DCLK1: variants seen among roughly 807,000 people sequenced by gnomAD.
The protein encoded by DCLK1 is serine/threonine-protein kinase DCLK1.
Under a neutral mutation model 86.2 loss-of-function variants are expected in DCLK1, and 16 were observed. The ratio of observed to expected loss-of-function variants is 0.19; its 90% confidence interval spans 0.13 to 0.28. The LOEUF (loss-of-function observed/expected upper bound fraction) is 0.28, where lower values mean the gene tolerates loss of function less well. Ranked by LOEUF, DCLK1 falls within the 10% of genes least tolerant of loss-of-function variation. The pLI, the probability that DCLK1 is intolerant of heterozygous loss-of-function variation, is 1.00. For missense variants in DCLK1, 590 were observed against 940.2 expected, an observed-to-expected ratio of 0.63 and a Z score of 4.87; for synonymous variants, 369 against 370.5, an observed-to-expected ratio of 1.00 and a Z score of 0.05.
intron 3 of DCLK1, among the ~76,000 whole-genome samples, chr13:35,958,971 T>C (rs567773859): frequency 2.6e-4 from 39 of 152,230 alleles, no homozygotes; most frequent in African/African-American, 9.4e-4. Context: ...ACACAGCTAA[T>C]AAAAGGTTGA....
At chr13:35,783,512 C>T (rs1329890799) in intron 16 of DCLK1, among the ~76,000 whole-genome samples, 1 of 152,116 alleles carries the variant, frequency 6.6e-6, no homozygotes, top group East Asian at 1.9e-4. Context: ...AAACCCAGGG[C>T]TTCTTGACTC....
intron 3 of DCLK1, among the ~76,000 whole-genome samples, chr13:36,019,246 A>T (rs1427179624): frequency 6.6e-6 from 1 of 152,116 alleles, no homozygotes; most frequent in African/African-American, 2.4e-5. Flanking sequence ...GGTTCCTGTG[A>T]TTAAAAACAA....
At chr13:35,864,951 C>T (rs1178656867) in intron 5 of DCLK1, among the ~76,000 whole-genome samples, 2 of 151,960 alleles carry the variant, frequency 1.3e-5, no homozygotes, top group African/African-American at 4.8e-5. Flanking sequence ...CATGCCTGGC[C>T]CCAGAGCTTT....
chr13:35,813,966 C>T (rs980208917), intron 11 of DCLK1, among the ~76,000 whole-genome samples: 2 of 152,102 alleles, frequency 1.3e-5, no homozygotes, highest in Non-Finnish European at 2.9e-5. Flanking sequence ...CACTGTCAGG[C>T]AGGGCAGGAA....
chr13:36,056,235 G>C (rs1425205139), intron 3 of DCLK1, among the ~76,000 whole-genome samples: 5 of 101,080 alleles, frequency 4.9e-5, no homozygotes, highest in Non-Finnish European at 7.9e-5. Flanking sequence ...AACAATGATA[G>C]ACTGGATTAA....
In DCLK1 at chr13:35,827,710, C is replaced by T. The variant is rs1236419964; in HGVS notation, c.1332G>A (p.Lys444=). Residue 444 remains lysine, a synonymous_variant, in exon 10 of 17, where the codon AAG becomes AAA. Coordinates refer to ENST00000360631, the MANE Select transcript of DCLK1 (RefSeq NM_001330071.2). ...QNEVSILRRV[K]HPNIVLLIEE... ...CAATCAGAAGAACGATATTGGGATG[C>T]TTCACTCTTCTTAAAATAGACACTT... is the stretch of plus-strand genomic sequence containing the variant. 6.2e-7 allele frequency: 1 copy of T among 1,613,938 alleles called. No homozygotes were observed. The highest frequency in any genetic ancestry group is 2.2e-5 in the East Asian group (1 of 44,846).
chr13:35,971,481 G>A (rs1048014327), intron 3 of DCLK1, among the ~76,000 whole-genome samples: 25 of 152,178 alleles, frequency 1.6e-4, no homozygotes, highest in Admixed American at 3.9e-4. Context: ...GTCCACAGTA[G>A]GCCAGGTGCA....
At chr13:35,800,501 C>A (rs762775693) in intron 15 of DCLK1, among the ~76,000 whole-genome samples, 1 of 152,110 alleles carries the variant, frequency 6.6e-6, no homozygotes. Context: ...AGAGAGGCCT[C>A]GCTCATGACT....
chr13:35,992,077 G>A (rs892071380), intron 3 of DCLK1, among the ~76,000 whole-genome samples: 3 of 152,284 alleles, frequency 2.0e-5, no homozygotes, highest in Non-Finnish European at 4.4e-5. Flanking sequence ...CAAGCTAACT[G>A]ATAATTAATG....
At chr13:35,916,070 G>A (rs1875390175) in intron 4 of DCLK1, among the ~76,000 whole-genome samples, 1 of 152,196 alleles carries the variant, frequency 6.6e-6, no homozygotes, top group Admixed American at 6.5e-5. Flanking sequence ...GGCTCTGCGT[G>A]ATGAGGCACT....
chr13:35,907,650 G>A (rs1017795559), intron 4 of DCLK1, among the ~76,000 whole-genome samples: 6 of 152,062 alleles, frequency 3.9e-5, no homozygotes, highest in African/African-American at 1.4e-4. Context: ...GGATAGGACA[G>A]CCTGCAGAGG....
intron 4 of DCLK1, among the ~76,000 whole-genome samples, chr13:35,919,827 G>GA (rs1360642364): frequency 3.7e-5 from 5 of 134,450 alleles, no homozygotes; most frequent in East Asian, 2.4e-4. Flanking sequence ...TTAAAAAAAA[G>GA]AAAAAAATGT....
intron 15 of DCLK1, among the ~76,000 whole-genome samples, chr13:35,804,010 A>G (rs1216297505): frequency 6.6e-6 from 1 of 152,234 alleles, no homozygotes; most frequent in African/African-American, 2.4e-5. Flanking sequence ...CAAAGTTACA[A>G]TGTTGTTGGG....
intron 4 of DCLK1, among the ~76,000 whole-genome samples, chr13:35,886,374 C>A (rs574916918): frequency 2.2e-4 from 34 of 152,142 alleles, no homozygotes; most frequent in Admixed American, 6.6e-4. Flanking sequence ...GGCAGCCAAT[C>A]GTGTTTCTGG....
At chr13:36,093,262 G>A (rs1344775604) in intron 3 of DCLK1, among the ~76,000 whole-genome samples, 1 of 152,116 alleles carries the variant, frequency 6.6e-6, no homozygotes, top group African/African-American at 2.4e-5. Context: ...TTAAGAAGTC[G>A]GTAGGAATAA....
At chr13:35,942,672 G>A (rs1451575843) in intron 4 of DCLK1, among the ~76,000 whole-genome samples, 1 of 152,138 alleles carries the variant, frequency 6.6e-6, no homozygotes, top group Non-Finnish European at 1.5e-5. Context: ...GGACAGAGAA[G>A]ATAAATCAAT....
rs925291863 is a variant in DCLK1 at position 35,805,687 on chromosome 13, C to T, written c.1944+12G>A. 8 of 1,609,882 alleles carry T rather than the reference C, an allele frequency of 5.0e-6. No individual in the cohort carries two copies. Among genetic ancestry groups the T allele is most frequent in the African/African-American group, 1.3e-5 (1 of 74,716 alleles). ...TTAGGAGAGAACAAAGGAAATGGTG[C>T]GAGTCACTTACATTAACCCAGGGAT... is the stretch of plus-strand genomic sequence containing the variant. On this transcript the variant is annotated intron_variant, in intron 15 of 16. Coordinates refer to ENST00000360631, the MANE Select transcript of DCLK1 (RefSeq NM_001330071.2).
Position 35,855,662 on chromosome 13 carries a change from T to TGA in DCLK1, c.941-1071_941-1070dup, listed in dbSNP as rs1422466232. 4.2e-6 allele frequency: 6 copies of TGA among 1,439,140 alleles called. No homozygotes were observed. The African/African-American group carries it at 8.4e-5, about 20-fold the overall frequency. The allele number at this position is 1,439,140 out of a possible 1,614,324, so 89.1% of individuals were successfully genotyped here. On this transcript the variant is annotated intron_variant, in intron 5 of 16. Transcript: ENST00000360631. ...AAGGCTGCTCCCAGAGCAGGCTGAA[T>TGA]GAGATGCAGGATTCATCAGCAGATG...
In DCLK1 at chr13:35,896,733, C is replaced by T. The variant is rs976197799; in HGVS notation, c.824-25393G>A. ...CCTTGGCAGGATAAGATGAAGAGGACGCAGTCCCTACCTCAGGTAAACCTT... is the reference window on the plus strand; with the variant it reads ...CCTTGGCAGGATAAGATGAAGAGGATGCAGTCCCTACCTCAGGTAAACCTT... On this transcript the variant is annotated intron_variant, in intron 4 of 16. Coordinates refer to ENST00000360631, the MANE Select transcript of DCLK1 (RefSeq NM_001330071.2). Among the ~76,000 whole-genome samples, 28 of 152,038 alleles carry T rather than the reference C, an allele frequency of 1.8e-4. No individual in the cohort carries two copies. The East Asian group carries it at 4.5e-3, about 24-fold the overall frequency.
Sources: allele counts gnomAD v4.1 joint callset (sites outside exome capture counted in the v4.1 genomes callset), GRCh38; gene constraint gnomAD v4.1.1; transcripts MANE v1.5; gene names NCBI Gene and HGNC (gene_info 2026-07-23, HGNC 2026-07-21).